ATL2: variants seen among roughly 807,000 people sequenced by gnomAD.
ATL2 encodes atlastin-2.
A neutral mutation model predicts 73.9 loss-of-function variants in ATL2; 31 were observed. The ratio of observed to expected loss-of-function variants is 0.42; its 90% CI spans 0.32 to 0.57. The LOEUF (loss-of-function observed/expected upper bound fraction) is 0.57. ATL2 is among the 20% of genes least tolerant of loss of function. The pLI is 0.14. For missense variants in ATL2, 738 were observed against 702.6 expected (o/e 1.05, Z -0.57); for synonymous variants, 291 against 237.5 (o/e 1.23, Z -2.07).
chr2:38,343,609 GC>G (rs1669856815), intron 1 of ATL2, 97 bp from the exon 2 acceptor site: 4 of 1,057,738 alleles, frequency 3.8e-6, no homozygotes, highest in Non-Finnish European at 5.5e-6. Context: ...GTAAGTAATT[GC>G]CCCCTCCCCC....
rs368031693 is a variant in ATL2 at position 38,319,066 on chromosome 2, A to T, written c.364-47T>A. ...GTAAAATACAACACAATTAAGAAAT[A>T]AAAGAAACCAAAAAATCACCCATTC... On this transcript the variant is annotated intron_variant, in intron 2 of 12. Coordinates refer to ENST00000378954, the MANE Select transcript of ATL2 (RefSeq NM_001135673.4). 3 of 1,563,748 alleles carry T rather than the reference A, an allele frequency of 1.9e-6. No homozygotes were observed. In the African/African-American group the frequency reaches 4.1e-5, roughly 22 times the overall value.
At position 38,298,502 on chromosome 2, in the gene ATL2, G is replaced by A. The variant is rs755391206; in HGVS notation, c.1274C>T (p.Ala425Val). The part of the protein sequence containing the change: ...ERKHLDLKEV[A>V]IKQFRSVKKM... The stretch of plus-strand genomic sequence containing the variant: ...TTTTACTGAACGAAATTGTTTTATC[G>A]CCACTTCCTTGAGATCCAAGTGTTT... Residue 425 changes from alanine (A) to valine (V), a missense_variant, in exon 12 of 13, where the codon GCG becomes GTG. Transcript: ENST00000378954. 33 of 1,613,904 alleles carry A rather than the reference G, an allele frequency of 2.0e-5. No individual in the cohort carries two copies. Among genetic ancestry groups the A allele is most frequent in the East Asian group, 2.2e-5 (1 of 44,892 alleles).
intron 2 of ATL2, among the ~76,000 whole-genome samples, chr2:38,329,445 AAAAAAAG>A (rs1668858047): frequency 3.4e-5 from 5 of 149,134 alleles, no homozygotes; most frequent in Non-Finnish European, 7.4e-5. Flanking sequence ...AAAAAAAAAA[AAAAAAAG>A]ATCAATAAAT....
rs192301998 is a variant in ATL2, at chr2:38,373,969, G to A, written c.118+3174C>T. 1.3e-3 allele frequency among the ~76,000 whole-genome samples: 196 copies of A among 152,248 alleles called. 3 individuals are homozygous for A. The highest frequency in any genetic ancestry group is 4.6e-3 in the African/African-American group (190 of 41,538). On this transcript the variant is annotated intron_variant, in intron 1 of 12. Coordinates refer to ENST00000378954, the MANE Select transcript of ATL2 (RefSeq NM_001135673.4). ...TGCAATGGCATGATCTCGGCTCACG[G>A]CAACCTCCACCTCCCAGGTTCAAGC...
chr2:38,334,913 T>TATATTTATATA lies in ATL2; in HGVS notation c.363+8354_363+8355insTATATAAATAT, dbSNP rs1363320727. Among the ~76,000 whole-genome samples the TATATTTATATA allele has an allele frequency of 2.0e-3, 273 of 139,524 alleles. 5 individuals are homozygous for TATATTTATATA. The highest frequency in any genetic ancestry group is 3.8e-3 in the South Asian group (18 of 4,708). The allele number at this position is 139,524 out of a possible 152,430, so 91.5% of individuals were successfully genotyped here. On this transcript the variant is annotated intron_variant, in intron 2 of 12. Transcript: ENST00000378954. ...TATAATATATATTATTTATAATATA[T>TATATTTATATA]AAATATATTTATATATTATAATATA... is the stretch of plus-strand genomic sequence containing the variant.
chr2:38,297,975 T>A, intron 12 of ATL2, 169 bp downstream of exon 12: 1 of 671,686 alleles, frequency 1.5e-6, no homozygotes, highest in South Asian at 2.2e-5. Context: ...AAATTATAAC[T>A]TTAAAGAAAA....
chr2:38,343,195 TTG>T (rs1429940920), intron 2 of ATL2, 71 bp downstream of exon 2: 1 of 1,206,956 alleles, frequency 8.3e-7, no homozygotes. Flanking sequence ...GTTCTGGTTT[TTG>T]TCTATTTTTT....
At chr2:38,352,805 C>T (rs1322927635) in intron 1 of ATL2, among the ~76,000 whole-genome samples, 1 of 152,178 alleles carries the variant, frequency 6.6e-6, no homozygotes. Flanking sequence ...ACTGACAATC[C>T]ATCCAATCAA....
chr2:38,328,940 A>G (rs1439188210), intron 2 of ATL2, among the ~76,000 whole-genome samples: 1 of 151,916 alleles, frequency 6.6e-6, no homozygotes, highest in Non-Finnish European at 1.5e-5. Flanking sequence ...AGGGGAGAAA[A>G]AAGATAAGAC....
chr2:38,313,351 AT>A, intron 6 of ATL2, 108 bp from the exon 7 acceptor site: 2 of 758,908 alleles, frequency 2.6e-6, no homozygotes, highest in Non-Finnish European at 2.1e-6. Context: ...AACAATCCTT[AT>A]CAAAAGTTAT....
intron 2 of ATL2, among the ~76,000 whole-genome samples, chr2:38,330,097 C>A (rs1231642882): frequency 3.3e-5 from 5 of 151,324 alleles, no homozygotes; most frequent in African/African-American, 1.2e-4. Flanking sequence ...CCACTGCACT[C>A]CAGCCTGGGT....
chr2:38,349,192 T>C (rs1225554725), intron 1 of ATL2, among the ~76,000 whole-genome samples: 1 of 152,154 alleles, frequency 6.6e-6, no homozygotes, highest in Non-Finnish European at 1.5e-5. Context: ...CAAAGGACTA[T>C]AAATCATGCT....
At chr2:38,348,121 C>T (rs1156522740) in intron 1 of ATL2, among the ~76,000 whole-genome samples, 1 of 152,014 alleles carries the variant, frequency 6.6e-6, no homozygotes, top group Non-Finnish European at 1.5e-5. Context: ...TGGGGAAATA[C>T]CTCCGACAAC....
chr2:38,317,908 G>A (rs1025117400), intron 4 of ATL2, among the ~76,000 whole-genome samples: 1 of 152,112 alleles, frequency 6.6e-6, no homozygotes, highest in Non-Finnish European at 1.5e-5. Flanking sequence ...TCATAAGCCA[G>A]AAAACCATGC....
intron 1 of ATL2, among the ~76,000 whole-genome samples, chr2:38,362,851 T>C (rs1446443085): frequency 2.0e-5 from 3 of 152,198 alleles, no homozygotes; most frequent in Non-Finnish European, 4.4e-5. Context: ...AGGCAGGAGT[T>C]GTCATTGAAG....
At chr2:38,309,611 T>C in intron 8 of ATL2, 105 bp from the exon 9 acceptor site, 1 of 1,146,436 alleles carries the variant, frequency 8.7e-7, no homozygotes, top group Non-Finnish European at 1.2e-6. Flanking sequence ...ACATAGTATC[T>C]ATTACTGAAG....
chr2:38,313,014 C>A (rs6714575), intron 7 of ATL2, 137 bp downstream of exon 7: 16,241 of 589,862 alleles, frequency 0.028, 2,032 homozygotes, highest in African/African-American at 0.27. Context: ...CAATTACAAA[C>A]AGAGTCACTT....
At chr2:38,358,302 A>G (rs1670795333) in intron 1 of ATL2, 1 of 152,326 alleles carries the variant, frequency 6.6e-6, no homozygotes, top group South Asian at 2.1e-4. Context: ...ATACTGTGAT[A>G]CAACTAACCA....
intron 2 of ATL2, among the ~76,000 whole-genome samples, chr2:38,336,850 CCGTTA>C: frequency 6.6e-6 from 1 of 152,150 alleles, no homozygotes; most frequent in Non-Finnish European, 1.5e-5. Flanking sequence ...GATTCAAAAA[CCGTTA>C]CATCACAAAA....
Sources: gnomAD v4.1 joint callset for allele counts (sites outside exome capture counted in the v4.1 genomes callset) on GRCh38, gnomAD v4.1.1 for gene constraint, MANE v1.5 for transcripts, NCBI Gene and HGNC (gene_info 2026-07-23, HGNC 2026-07-21) for gene names.